AUTS2: variants seen among roughly 807,000 people sequenced by gnomAD.
AUTS2 encodes the protein autism susceptibility gene 2 protein.
In AUTS2, 17 loss-of-function variants were observed where a neutral mutation model predicts 112.4. The observed-to-expected ratio is 0.15, with a 90% CI of 0.10 to 0.23. The LOEUF (loss-of-function observed/expected upper bound fraction) is 0.23, where lower values mean the gene tolerates loss of function less well. AUTS2 is among the 10% of genes least tolerant of loss of function. The probability of loss-of-function intolerance (pLI) is 1.00; values close to 1 mark genes in which losing one functional copy is unlikely to be tolerated. For missense variants in AUTS2, 1,510 were observed against 1,701.6 expected (o/e 0.89, Z 1.98); for synonymous variants, 751 against 702.7 (o/e 1.07, Z -1.09).
chr7:70,411,261 G>A (rs1452137086), intron 4 of AUTS2, among the ~76,000 whole-genome samples: 1 of 152,164 alleles, frequency 6.6e-6, no homozygotes, highest in Non-Finnish European at 1.5e-5. Context: ...CTGTAAAAGA[G>A]CACTGCTGGA....
chr7:69,638,321 A>G (rs1794644053), intron 1 of AUTS2, among the ~76,000 whole-genome samples: 1 of 152,194 alleles, frequency 6.6e-6, no homozygotes, highest in African/African-American at 2.4e-5. Context: ...TAGCCCATCC[A>G]GTTTTCTAAT....
intron 1 of AUTS2, among the ~76,000 whole-genome samples, chr7:69,686,854 T>C (rs1797086421): frequency 6.6e-6 from 1 of 152,218 alleles, no homozygotes; most frequent in African/African-American, 2.4e-5. Context: ...AGAAGCTCCT[T>C]ATCTCACCTA....
At chr7:70,044,399 T>C (rs1259647131) in intron 2 of AUTS2, among the ~76,000 whole-genome samples, 1 of 152,202 alleles carries the variant, frequency 6.6e-6, no homozygotes, top group Non-Finnish European at 1.5e-5. Flanking sequence ...CATAGGCCTT[T>C]TGTTTTGACA....
chr7:70,250,642 A>G (rs1019259825), intron 4 of AUTS2, among the ~76,000 whole-genome samples: 1 of 152,234 alleles, frequency 6.6e-6, no homozygotes, highest in Admixed American at 6.5e-5. Context: ...TAGACTGGAC[A>G]AAGCAAACAT....
chr7:70,125,773 C>T (rs1805939621), intron 3 of AUTS2, among the ~76,000 whole-genome samples: 1 of 152,172 alleles, frequency 6.6e-6, no homozygotes, highest in Non-Finnish European at 1.5e-5. Flanking sequence ...ACTTTTTTCT[C>T]TTCTCTCAAA....
At chr7:69,921,585 T>C (rs1249229907) in intron 2 of AUTS2, among the ~76,000 whole-genome samples, 2 of 150,448 alleles carry the variant, frequency 1.3e-5, no homozygotes, top group African/African-American at 4.9e-5. Flanking sequence ...CTGGCCAACA[T>C]GGTAAAACTC....
At chr7:70,416,074 A>ATGC (rs1452976225) in intron 4 of AUTS2, among the ~76,000 whole-genome samples, 2 of 152,120 alleles carry the variant, frequency 1.3e-5, no homozygotes, top group East Asian at 3.9e-4. Flanking sequence ...ATGTTATTGT[A>ATGC]AGGTTTTAGT....
At chr7:70,237,038 C>T (rs1238563204) in intron 4 of AUTS2, among the ~76,000 whole-genome samples, 2 of 152,196 alleles carry the variant, frequency 1.3e-5, no homozygotes, top group Non-Finnish European at 2.9e-5. Context: ...TTTGCACACT[C>T]ATCAGATCCA....
chr7:70,248,546 T>G (rs911747022), intron 4 of AUTS2, among the ~76,000 whole-genome samples: 1 of 152,234 alleles, frequency 6.6e-6, no homozygotes, highest in African/African-American at 2.4e-5. Context: ...CAGATAATAT[T>G]TGTCTGTTAA....
intron 4 of AUTS2, among the ~76,000 whole-genome samples, chr7:70,228,316 T>A (rs1057363992): frequency 1.3e-5 from 2 of 152,012 alleles, no homozygotes; most frequent in African/African-American, 4.8e-5. Flanking sequence ...TTTTTGCATT[T>A]GTATGTAAAA....
intron 2 of AUTS2, among the ~76,000 whole-genome samples, chr7:69,980,622 G>A (rs761205883): frequency 6.6e-6 from 1 of 151,898 alleles, no homozygotes; most frequent in Non-Finnish European, 1.5e-5. Flanking sequence ...CGCTTACATT[G>A]TATGTATTAG....
Position 69,599,814 on chromosome 7 carries a change from C to T in AUTS2, c.161C>T (p.Ser54Phe), listed in dbSNP as rs1792276386. The change falls in exon 1 of 19, where the codon TCC (serine) becomes TTC (phenylalanine). Residue 54 changes from serine (S) to phenylalanine (F), a missense_variant. Physicochemically the swap from Ser to Phe is radical, Grantham distance 155. Coordinates refer to ENST00000342771, the MANE Select transcript of AUTS2 (RefSeq NM_015570.4). The surrounding 1 kb of genome is among the most constrained non-coding windows in gnomAD (Gnocchi z 7.0). ...CTCTCACTCGCCTCGTCGTCGGGCT[C>T]CGACAAGGAAGACAATGGGAAGCCC... ...RALSLASSSG[S>F]DKEDNGKPPS... is the part of the protein sequence containing the mutation. 1 of 1,605,030 alleles carries T rather than the reference C, an allele frequency of 6.2e-7. No individual in the cohort carries two copies. The highest frequency in any genetic ancestry group is 8.5e-7 in the Non-Finnish European group (1 of 1,176,486).
At chr7:69,684,964 A>G (rs1796996566) in intron 1 of AUTS2, among the ~76,000 whole-genome samples, 1 of 152,184 alleles carries the variant, frequency 6.6e-6, no homozygotes, top group African/African-American at 2.4e-5. Context: ...CTCATTGATT[A>G]CGTGCCTGGT....
intron 1 of AUTS2, among the ~76,000 whole-genome samples, chr7:69,665,339 A>G (rs1359613357): frequency 1.3e-5 from 2 of 152,240 alleles, no homozygotes; most frequent in Non-Finnish European, 2.9e-5. Flanking sequence ...ACTGCTCAGC[A>G]TAAATGATGA....
Position 69,950,112 on chromosome 7 carries a change from G to GT in AUTS2, c.522+50622dup, listed in dbSNP as rs201867706. ...CTAAGTATTGCTTAGAACATATACT[G>GT]TTTTTTTTCTCCTCAAAAATTGCCA... On this transcript the variant is annotated intron_variant, in intron 2 of 18. Transcript: ENST00000342771. Among the ~76,000 whole-genome samples, 578 of 151,718 alleles carry GT rather than the reference G, an allele frequency of 3.8e-3. 7 individuals carry two copies. The highest frequency in any genetic ancestry group is 0.013 in the African/African-American group (522 of 41,386).
At chr7:70,196,810 G>C (rs1810198116) in intron 4 of AUTS2, among the ~76,000 whole-genome samples, 1 of 152,116 alleles carries the variant, frequency 6.6e-6, no homozygotes, top group Non-Finnish European at 1.5e-5. Context: ...CACTAGTTTT[G>C]GTACTATTAA....
chr7:70,634,177 A>G (rs1805417878), intron 5 of AUTS2, among the ~76,000 whole-genome samples: 1 of 152,134 alleles, frequency 6.6e-6, no homozygotes, highest in Non-Finnish European at 1.5e-5. Flanking sequence ...GTAAAATGGG[A>G]TCTGTTGGAA....
intron 4 of AUTS2, among the ~76,000 whole-genome samples, chr7:70,434,742 C>T (rs1795819480): frequency 6.6e-6 from 1 of 152,188 alleles, no homozygotes; most frequent in South Asian, 2.1e-4. Flanking sequence ...ATCCCAGCTT[C>T]ATGTCTTACT....
chr7:70,639,000 T>C (rs901456394), intron 5 of AUTS2, among the ~76,000 whole-genome samples: 6 of 152,210 alleles, frequency 3.9e-5, no homozygotes, highest in Non-Finnish European at 8.8e-5. Flanking sequence ...ACATCAGCCC[T>C]ACTTCTACTT....
Sources: gnomAD v4.1 joint callset for allele counts (sites outside exome capture counted in the v4.1 genomes callset) on GRCh38, gnomAD v4.1.1 for gene constraint, Gnocchi (gnomAD v3.1) non-coding constraint, MANE v1.5 for transcripts, NCBI Gene and HGNC (gene_info 2026-07-23, HGNC 2026-07-21) for gene names.